Variants in PEBP4 observed in about 807,000 individuals in gnomAD.
PEBP4 encodes the protein phosphatidylethanolamine binding protein 4, also known as phosphatidylethanolamine-binding protein 4.
A neutral mutation model predicts 23.9 loss-of-function variants in PEBP4; 22 were observed. The ratio of observed to expected loss-of-function variants is 0.92; its 90% CI spans 0.66 to 1.31. PEBP4 has a LOEUF of 1.31. Ranked by LOEUF, PEBP4 falls within the 40% of genes most tolerant of loss-of-function variation. PEBP4 has a pLI of 0.00. For missense variants in PEBP4, 324 were observed against 281.7 expected, an observed-to-expected ratio of 1.15 and a Z score of -1.07; for synonymous variants, 112 against 99.3, an observed-to-expected ratio of 1.13 and a Z score of -0.76.
At chr8:22,861,302 G>A (rs1286971756) in intron 3 of PEBP4, among the ~76,000 whole-genome samples, 3 of 152,222 alleles carry the variant, frequency 2.0e-5, no homozygotes, top group South Asian at 2.1e-4. Flanking sequence ...TAGCTCAGAC[G>A]TTTTGTGCTC....
chr8:22,825,961 G>A (rs148399212), intron 3 of PEBP4, among the ~76,000 whole-genome samples: 5 of 152,276 alleles, frequency 3.3e-5, no homozygotes, highest in South Asian at 2.1e-4. Flanking sequence ...GTGATTCCAC[G>A]TACATGATAT....
At chr8:22,910,792 C>T (rs76625194) in intron 3 of PEBP4, among the ~76,000 whole-genome samples, 2,132 of 152,228 alleles carry the variant, frequency 0.014, 26 homozygotes, top group African/African-American at 0.035. Flanking sequence ...CCAGTGGTTG[C>T]CAGAGGTTAG....
chr8:22,857,849 G>T (rs1807687489), intron 3 of PEBP4, among the ~76,000 whole-genome samples: 2 of 152,178 alleles, frequency 1.3e-5, no homozygotes, highest in African/African-American at 2.4e-5. Flanking sequence ...AAGAACAGGG[G>T]GCAAGGGATG....
chr8:22,787,920 G>A (rs1364669887), intron 4 of PEBP4, among the ~76,000 whole-genome samples: 1 of 152,170 alleles, frequency 6.6e-6, no homozygotes, highest in African/African-American at 2.4e-5. Context: ...TGAGGGCTGG[G>A]GAAGGGAAGG....
Position 22,724,953 on chromosome 8 carries a change from T to C in PEBP4, c.407A>G (p.Tyr136Cys). Residue 136 changes from tyrosine (Y) to cysteine (C), a missense_variant, in exon 6 of 7, where the codon TAC (tyrosine) becomes TGC (cysteine). Transcript: ENST00000256404. ...GTGTGCCGGTGGGGAGGGAGCCTGGTAGGCTATAGGTAGAAGCAGGAGAGA... is the reference window on the plus strand; with the variant it reads ...GTGTGCCGGTGGGGAGGGAGCCTGGCAGGCTATAGGTAGAAGCAGGAGAGA... ...GKIQGQELSA[Y>C]QAPSPPAHSG... is the part of the protein sequence containing the mutation. The C allele has an allele frequency of 6.2e-7, 1 of 1,610,940 alleles. No homozygotes were observed. Among genetic ancestry groups the C allele is most frequent in the African/African-American group, 1.3e-5 (1 of 74,906 alleles).
At chr8:22,922,585 C>CA (rs397961257) in intron 2 of PEBP4, among the ~76,000 whole-genome samples, 27,902 of 122,216 alleles carry the variant, frequency 0.23, 2,659 homozygotes, top group East Asian at 0.33. Flanking sequence ...AACAAACAAA[C>CA]AAAAAAAAAA....
At chr8:22,786,600 C>A (rs982018980) in intron 4 of PEBP4, among the ~76,000 whole-genome samples, 11 of 152,062 alleles carry the variant, frequency 7.2e-5, no homozygotes, top group African/African-American at 2.4e-4. Context: ...GATTTTGAAA[C>A]CCTGTCTATT....
intron 3 of PEBP4, 82 bp downstream of exon 3, chr8:22,920,102 C>G (rs933070458): frequency 9.1e-6 from 14 of 1,545,314 alleles, no homozygotes. Context: ...CACGCAGCTT[C>G]AAGTCACCCA....
upstream of PEBP4, among the ~76,000 whole-genome samples, chr8:22,931,643 G>A (rs1214910575): frequency 6.6e-6 from 1 of 152,074 alleles, no homozygotes; most frequent in Non-Finnish European, 1.5e-5. Flanking sequence ...GAATGCAGTG[G>A]CATGATCTCA....
At chr8:22,799,939 G>C (rs1806347834) in intron 4 of PEBP4, among the ~76,000 whole-genome samples, 1 of 152,192 alleles carries the variant, frequency 6.6e-6, no homozygotes, top group Non-Finnish European at 1.5e-5. Context: ...CAACAGCAAA[G>C]ACTTGGAACC....
At chr8:22,931,119 C>G (rs1809449504), upstream of PEBP4, among the ~76,000 whole-genome samples, 1 of 152,188 alleles carries the variant, frequency 6.6e-6, no homozygotes, top group African/African-American at 2.4e-5. Context: ...TACCCAGACA[C>G]AGACTCTTGT....
intron 2 of PEBP4, among the ~76,000 whole-genome samples, chr8:22,922,614 C>T (rs767577289): frequency 4.0e-5 from 6 of 151,554 alleles, no homozygotes; most frequent in Non-Finnish European, 7.4e-5. Context: ...TAGTGCCTGC[C>T]TGTGTTCCCA....
At chr8:22,859,208 T>C (rs1195163238) in intron 3 of PEBP4, among the ~76,000 whole-genome samples, 1 of 152,188 alleles carries the variant, frequency 6.6e-6, no homozygotes, top group Non-Finnish European at 1.5e-5. Flanking sequence ...CACTATCACA[T>C]GGCCATCAGA....
At chr8:22,802,353 A>C (rs1806401995) in intron 4 of PEBP4, among the ~76,000 whole-genome samples, 1 of 149,134 alleles carries the variant, frequency 6.7e-6, no homozygotes, top group African/African-American at 2.5e-5. Flanking sequence ...CTCACCCGGC[A>C]CTCCTGGATT....
intron 4 of PEBP4, among the ~76,000 whole-genome samples, chr8:22,784,741 C>A (rs1233907883): frequency 6.6e-6 from 1 of 152,220 alleles, no homozygotes; most frequent in Non-Finnish European, 1.5e-5. Flanking sequence ...CCAGGAAAAA[C>A]CCCTAAATCC....
rs144110791 is a variant in PEBP4, at chr8:22,846,400, A to T, written c.259-28665T>A. ...TGCTTTTAAAGGCACTAAACCCTGG[A>T]TTGGGAGAGAATCTGGTGGCCTTGG... On this transcript the variant is annotated intron_variant, in intron 3 of 6. Transcript: ENST00000256404. 4.8e-3 allele frequency among the ~76,000 whole-genome samples: 737 copies of T among 152,284 alleles called. 3 individuals are homozygous for T. Among genetic ancestry groups the T allele is most frequent in the Non-Finnish European group, 7.5e-3 (511 of 68,030 alleles).
chr8:22,775,968 G>C lies in PEBP4; in HGVS notation c.357+41669C>G, dbSNP rs956133457. ...GTCTGGGCTCACCCCTGGAACAATG[G>C]GGGTTGCAGATGCACACAGAGGGGT... On this transcript the variant is annotated intron_variant, in intron 4 of 6. Coordinates refer to ENST00000256404, the MANE Select transcript of PEBP4 (RefSeq NM_144962.3). The surrounding 1 kb of genome is among the most constrained non-coding windows in gnomAD (Gnocchi z 4.8). Among the ~76,000 whole-genome samples, 3 of 152,064 alleles carry C rather than the reference G, an allele frequency of 2.0e-5. No homozygotes were observed. Among genetic ancestry groups the C allele is most frequent in the Non-Finnish European group, 4.4e-5 (3 of 68,004 alleles).
At chr8:22,899,220 T>G (rs1808660434) in intron 3 of PEBP4, among the ~76,000 whole-genome samples, 1 of 152,242 alleles carries the variant, frequency 6.6e-6, no homozygotes, top group African/African-American at 2.4e-5. Context: ...GTAGAAAATC[T>G]GCCCTATGCA....
At chr8:22,791,115 C>T (rs1585274125) in intron 4 of PEBP4, among the ~76,000 whole-genome samples, 1 of 152,184 alleles carries the variant, frequency 6.6e-6, no homozygotes, top group Non-Finnish European at 1.5e-5. Context: ...GCTGCCTCTT[C>T]ACGCAGGCAA....
Sources: allele counts gnomAD v4.1 joint callset (sites outside exome capture counted in the v4.1 genomes callset), GRCh38; gene constraint gnomAD v4.1.1; non-coding constraint Gnocchi (gnomAD v3.1); transcripts MANE v1.5; gene names NCBI Gene and HGNC (gene_info 2026-07-23, HGNC 2026-07-21).